RIN2: variants seen among roughly 807,000 people sequenced by gnomAD.
The protein encoded by RIN2 is RAB5 interacting protein 2.
In RIN2, 36 loss-of-function variants were observed where a neutral mutation model predicts 78.0. The ratio of observed to expected loss-of-function variants is 0.46; its 90% CI spans 0.35 to 0.61. The LOEUF (loss-of-function observed/expected upper bound fraction) is 0.61, where lower values mean the gene tolerates loss of function less well. RIN2 is among the 20% of genes least tolerant of loss of function. The pLI, the probability that RIN2 is intolerant of heterozygous loss-of-function variation, is 0.00. For synonymous variants in RIN2, 466 were observed against 466.8 expected (o/e 1.00, Z 0.02); for missense variants, 1,087 against 1,159.7 (o/e 0.94, Z 0.91).
intron 2 of RIN2, among the ~76,000 whole-genome samples, chr20:19,847,357 T>C (rs17300552): frequency 0.056 from 8,567 of 152,310 alleles, 295 homozygotes; most frequent in South Asian, 0.17. Flanking sequence ...CCCTGAGATA[T>C]GTTACTACTA....
intron 2 of RIN2, among the ~76,000 whole-genome samples, chr20:19,826,684 A>G (rs939660421): frequency 2.0e-5 from 3 of 152,108 alleles, no homozygotes; most frequent in African/African-American, 7.2e-5. Context: ...CCTCTGTTCA[A>G]TCCTTATCCT....
At chr20:19,952,780 G>T (rs2041372062) in intron 4 of RIN2, among the ~76,000 whole-genome samples, 1 of 152,226 alleles carries the variant, frequency 6.6e-6, no homozygotes, top group Non-Finnish European at 1.5e-5. Flanking sequence ...TGAGATGGCA[G>T]TGATAAAATA....
chr20:19,773,139 G>A (rs187098321), intron 1 of RIN2, among the ~76,000 whole-genome samples: 1 of 152,306 alleles, frequency 6.6e-6, no homozygotes, highest in African/African-American at 2.4e-5. Flanking sequence ...AGCATGCCTT[G>A]TAGATGCATC....
At chr20:19,976,411 G>A (rs1601016195) in intron 9 of RIN2, among the ~76,000 whole-genome samples, 1 of 152,160 alleles carries the variant, frequency 6.6e-6, no homozygotes, top group African/African-American at 2.4e-5. Flanking sequence ...CACGGCTTGG[G>A]AGTAAGCAAA....
At chr20:19,819,224 G>C (rs2122881863) in intron 2 of RIN2, among the ~76,000 whole-genome samples, 2 of 152,314 alleles carry the variant, frequency 1.3e-5, no homozygotes, top group East Asian at 3.9e-4. Flanking sequence ...CAAGGTCCAG[G>C]TGCCAGCATG....
intron 2 of RIN2, among the ~76,000 whole-genome samples, chr20:19,864,985 T>C (rs186262947): frequency 1.3e-5 from 2 of 152,336 alleles, no homozygotes; most frequent in East Asian, 3.9e-4. Context: ...ATTTTCTCTT[T>C]TAAGTATCTG....
chr20:19,850,291 G>A (rs1054167127), intron 2 of RIN2, among the ~76,000 whole-genome samples: 1 of 152,064 alleles, frequency 6.6e-6, no homozygotes, highest in African/African-American at 2.4e-5. Context: ...GCCCCTGGAG[G>A]ACACGGGGGA....
intron 3 of RIN2, among the ~76,000 whole-genome samples, chr20:19,920,061 G>A (rs551487311): frequency 3.3e-5 from 5 of 152,130 alleles, no homozygotes; most frequent in African/African-American, 7.2e-5. Context: ...TTGGGAGGCC[G>A]AGGCGGGCAG....
intron 3 of RIN2, among the ~76,000 whole-genome samples, chr20:19,900,589 G>T (rs2038933858): frequency 6.6e-6 from 1 of 151,776 alleles, no homozygotes; most frequent in African/African-American, 2.4e-5. Context: ...AGGAATTAGA[G>T]ACCACCCTGG....
chr20:19,841,299 G>T (rs114769621), intron 2 of RIN2, among the ~76,000 whole-genome samples: 167 of 151,996 alleles, frequency 1.1e-3, no homozygotes, highest in Middle Eastern at 3.4e-3. Context: ...TTTTTCAAAA[G>T]GACTTTACTG....
chr20:19,868,572 T>C (rs973446561), intron 2 of RIN2, among the ~76,000 whole-genome samples: 5 of 152,144 alleles, frequency 3.3e-5, no homozygotes, highest in Admixed American at 6.5e-5. Flanking sequence ...TTTTATGATA[T>C]GCTGGGCAGA....
intron 2 of RIN2, among the ~76,000 whole-genome samples, chr20:19,851,725 G>C (rs986337875): frequency 6.6e-6 from 1 of 152,018 alleles, no homozygotes; most frequent in Non-Finnish European, 1.5e-5. Flanking sequence ...CTCTTCTCTT[G>C]GGCTCCCAAG....
intron 11 of RIN2, among the ~76,000 whole-genome samples, 193 bp from the exon 12 acceptor site, chr20:19,996,486 G>A (rs757853617): frequency 1.3e-5 from 2 of 152,214 alleles, no homozygotes; most frequent in Non-Finnish European, 2.9e-5. Flanking sequence ...ATCTCTGTGG[G>A]ATGGCTGTGT....
At chr20:19,853,583 C>T (rs1357017088) in intron 2 of RIN2, among the ~76,000 whole-genome samples, 1 of 152,168 alleles carries the variant, frequency 6.6e-6, no homozygotes, top group African/African-American at 2.4e-5. Flanking sequence ...TTCTAACTGG[C>T]ATGAGATGGT....
At chr20:19,813,424 G>A (rs77015084) in intron 2 of RIN2, among the ~76,000 whole-genome samples, 3,024 of 152,276 alleles carry the variant, frequency 0.02, 94 homozygotes, top group African/African-American at 0.067. Flanking sequence ...CATGGACACC[G>A]AATACGTACC....
chr20:19,901,822 G>A (rs2038994408), intron 3 of RIN2, among the ~76,000 whole-genome samples: 1 of 152,006 alleles, frequency 6.6e-6, no homozygotes, highest in South Asian at 2.1e-4. Context: ...TTTGAGACCA[G>A]CCTGGCCAAC....
chr20:19,948,788 G>GATTTTAATTTTA (rs11472369), intron 4 of RIN2, among the ~76,000 whole-genome samples: 2 of 151,680 alleles, frequency 1.3e-5, no homozygotes, highest in African/African-American at 4.9e-5. Flanking sequence ...TGTCTTGAAT[G>GATTTTAATTTTA]ATTTTAATTT....
chr20:19,903,587 C>G (rs923221856), intron 3 of RIN2, among the ~76,000 whole-genome samples: 1 of 152,140 alleles, frequency 6.6e-6, no homozygotes, highest in African/African-American at 2.4e-5. Context: ...TTTTTGGTTG[C>G]CACCACTGGG....
intron 4 of RIN2, among the ~76,000 whole-genome samples, chr20:19,950,668 T>C (rs1600914540): frequency 6.6e-6 from 1 of 152,270 alleles, no homozygotes; most frequent in Non-Finnish European, 1.5e-5. Context: ...ATTTTTCCTT[T>C]GTAAGCATAA....
Sources: allele counts gnomAD v4.1 joint callset (sites outside exome capture counted in the v4.1 genomes callset), GRCh38; gene constraint gnomAD v4.1.1; transcripts MANE v1.5; gene names NCBI Gene and HGNC (gene_info 2026-07-23, HGNC 2026-07-21).